MBNL2: variants seen among roughly 807,000 people sequenced by gnomAD.
The protein encoded by MBNL2 is muscleblind-like protein 2.
MBNL2 carries 17 observed loss-of-function variants against 41.9 expected under a neutral mutation model. The ratio of observed to expected loss-of-function variants is 0.41; its 90% confidence interval spans 0.28 to 0.61. The LOEUF (loss-of-function observed/expected upper bound fraction) is 0.61, where lower values mean the gene tolerates loss of function less well. MBNL2 is among the 20% of genes least tolerant of loss of function. The pLI, the probability that MBNL2 is intolerant of heterozygous loss-of-function variation, is 0.35. For synonymous variants in MBNL2, 195 were observed against 182.9 expected (o/e 1.07, Z -0.53); for missense variants, 336 against 505.6 (o/e 0.66, Z 3.22).
chr13:97,287,925 T>TG (rs2054930257), intron 2 of MBNL2, among the ~76,000 whole-genome samples: 1 of 95,840 alleles, frequency 1.0e-5, no homozygotes, highest in African/African-American at 3.3e-5. Context: ...TCTGTTTTTT[T>TG]TTTGTTTTGT....
chr13:97,224,362 G>A (rs1048890264), intron 1 of MBNL2, among the ~76,000 whole-genome samples: 1 of 152,204 alleles, frequency 6.6e-6, no homozygotes, highest in East Asian at 1.9e-4. Flanking sequence ...CAATACTGCA[G>A]GCTGCAAATC....
the MBNL2 span, among the ~76,000 whole-genome samples, chr13:97,152,688 C>A: frequency 6.6e-6 from 1 of 152,144 alleles, no homozygotes; most frequent in African/African-American, 2.4e-5. Context: ...GCCATATCAT[C>A]AATTAATTGA....
At chr13:97,305,533 G>A (rs999533908) in intron 2 of MBNL2, among the ~76,000 whole-genome samples, 3 of 152,190 alleles carry the variant, frequency 2.0e-5, no homozygotes, top group South Asian at 2.1e-4. Context: ...GGAGGCTAAG[G>A]CAGGCTGATC....
At chr13:97,313,984 G>A (rs905466960) in intron 2 of MBNL2, among the ~76,000 whole-genome samples, 2 of 152,138 alleles carry the variant, frequency 1.3e-5, no homozygotes, top group African/African-American at 4.8e-5. Flanking sequence ...TGAAGAACAT[G>A]GAAACCTCTC....
intron 1 of MBNL2, among the ~76,000 whole-genome samples, chr13:97,244,833 A>T (rs2045114378): frequency 6.6e-6 from 1 of 152,232 alleles, no homozygotes; most frequent in African/African-American, 2.4e-5. Context: ...CCACTACTAT[A>T]GAAAATGAAA....
chr13:97,393,971 A>ACACTTAAAGAAAGC lies in MBNL2; in HGVS notation c.*2522_*2523insCACTTAAAGAAAGC, dbSNP rs2066459811. Reference sequence around the variant, plus strand: ...CATACCACTGGTAACATTTCTACTAAATCTTTCTGTAACACTTAAAGAATT... The same window carrying ACACTTAAAGAAAGC: ...CATACCACTGGTAACATTTCTACTAACACTTAAAGAAAGCATCTTTCTGTAACACTTAAAGAATT... On this transcript the variant is annotated 3_prime_UTR_variant, in exon 9 of 9. Coordinates refer to ENST00000679496, the MANE Select transcript of MBNL2 (RefSeq NM_001382683.1). The ACACTTAAAGAAAGC allele has an allele frequency of 1.3e-4, 20 of 152,688 alleles. No homozygotes were observed. The highest frequency in any genetic ancestry group is 9.8e-4 in the Admixed American group (15 of 15,288). 9.5% of individuals were successfully genotyped at this position (152,688 alleles called of 1,614,324 possible). A position where few individuals can be genotyped will look rare whatever the true frequency, so the allele number is the denominator to read the frequency against.
chr13:97,289,699 G>C (rs963463661), intron 2 of MBNL2, among the ~76,000 whole-genome samples: 3 of 152,198 alleles, frequency 2.0e-5, no homozygotes, highest in Non-Finnish European at 2.9e-5. Context: ...AAGGAGAGGC[G>C]AGGACCTTGC....
At chr13:97,282,973 T>A (rs1481091912) in intron 2 of MBNL2, among the ~76,000 whole-genome samples, 1 of 152,244 alleles carries the variant, frequency 6.6e-6, no homozygotes, top group Non-Finnish European at 1.5e-5. Flanking sequence ...AACCTAGTGC[T>A]GCTCCATCAG....
intron 8 of MBNL2, among the ~76,000 whole-genome samples, chr13:97,374,714 G>A (rs1484402961): frequency 1.3e-5 from 2 of 152,144 alleles, no homozygotes; most frequent in Non-Finnish European, 2.9e-5. Context: ...GATGGGACTG[G>A]AGGGGGTCTT....
the MBNL2 span, among the ~76,000 whole-genome samples, chr13:97,190,708 C>T: frequency 3.9e-5 from 6 of 152,240 alleles, no homozygotes; most frequent in Non-Finnish European, 7.3e-5. Context: ...TGGAGGAGCA[C>T]TGAGTTATAA....
the MBNL2 span, among the ~76,000 whole-genome samples, chr13:97,166,065 A>T: frequency 2.6e-5 from 4 of 152,262 alleles, no homozygotes; most frequent in African/African-American, 9.6e-5. Flanking sequence ...ACAAAGTAAC[A>T]GTTGCACTGT....
At chr13:97,210,097 A>G in the MBNL2 span, among the ~76,000 whole-genome samples, 1 of 152,194 alleles carries the variant, frequency 6.6e-6, no homozygotes, top group Non-Finnish European at 1.5e-5. Flanking sequence ...CACCTGGCCG[A>G]CATTGACTTT....
intron 5 of MBNL2, among the ~76,000 whole-genome samples, chr13:97,348,074 A>ATTTT (rs71692187): frequency 0.012 from 1,479 of 120,282 alleles, 27 homozygotes; most frequent in Non-Finnish European, 0.017. Context: ...GGGCAGTGGG[A>ATTTT]TTTTTTTTTT....
In MBNL2 at chr13:97,347,035, G is replaced by A. The variant is rs1162752980; in HGVS notation, c.772G>A (p.Ala258Thr). 2 of 1,609,698 alleles carry A rather than the reference G, an allele frequency of 1.2e-6. No homozygotes were observed. The highest frequency in any genetic ancestry group is 1.1e-5 in the South Asian group (1 of 90,874). ...QHQANQAAVA[A>T]QAAAAAATVM... ...CCAAGCCAACCAAGCTGCGGTGGCC[G>A]CCCAGGCAGCCGCGGCCGCGGCCAC... The change falls in exon 5 of 9, where the codon GCC (alanine) becomes ACC (threonine). Residue 258 changes from alanine to threonine, a missense_variant. Physicochemically the swap from Ala to Thr is moderately conservative, Grantham distance 58. Coordinates refer to ENST00000679496, the MANE Select transcript of MBNL2 (RefSeq NM_001382683.1).
chr13:97,228,332 G>A (rs937818013), intron 1 of MBNL2, among the ~76,000 whole-genome samples: 3 of 151,934 alleles, frequency 2.0e-5, no homozygotes, highest in Non-Finnish European at 4.4e-5. Flanking sequence ...TCAGCTGAAC[G>A]AATGAAATTG....
rs1173889400 is a variant in MBNL2 at position 97,255,952 on chromosome 13, A to G, written c.-604-19680A>G. 3.3e-5 allele frequency among the ~76,000 whole-genome samples: 5 copies of G among 152,340 alleles called. No homozygotes were observed. In the East Asian group the frequency reaches 9.6e-4, roughly 29 times the overall value. On this transcript the variant is annotated intron_variant, in intron 1 of 8. Transcript: ENST00000679496. Reference sequence around the variant, plus strand: ...GAATGGATATGGTTTGAACTTATTCATGTTTAGAGAGAGTGTCAAATTGAG... The same window carrying G: ...GAATGGATATGGTTTGAACTTATTCGTGTTTAGAGAGAGTGTCAAATTGAG...
intron 1 of MBNL2, among the ~76,000 whole-genome samples, chr13:97,229,253 C>T (rs1357247380): frequency 6.6e-6 from 1 of 151,034 alleles, no homozygotes; most frequent in Non-Finnish European, 1.5e-5. Context: ...AAGTGGAGCT[C>T]AGTTTGGGTG....
chr13:97,320,967 C>T (rs187333587), intron 2 of MBNL2, among the ~76,000 whole-genome samples: 49 of 152,188 alleles, frequency 3.2e-4, no homozygotes, highest in African/African-American at 1.1e-3. Context: ...ATCGTCTTCC[C>T]TCTATGCATG....
rs535329449 is a variant in MBNL2, at chr13:97,334,953, C to T, written c.339+513C>T. On this transcript the variant is annotated intron_variant, in intron 3 of 8. Coordinates refer to ENST00000679496, the MANE Select transcript of MBNL2 (RefSeq NM_001382683.1). This position sits in a 1 kb window ranked among gnomAD's most constrained non-coding sequence, Gnocchi z 5.3. Reference sequence around the variant, plus strand: ...AGCAGAGCGCTTTCTGCAGTGTGTTCCAGGAAGATCCTAGTAACAGCCCCC... The same window carrying T: ...AGCAGAGCGCTTTCTGCAGTGTGTTTCAGGAAGATCCTAGTAACAGCCCCC... Among the ~76,000 whole-genome samples the T allele has an allele frequency of 6.6e-6, 1 of 152,298 alleles. No homozygotes were observed. The highest frequency in any genetic ancestry group is 6.5e-5 in the Admixed American group (1 of 15,298).
Sources: allele counts gnomAD v4.1 joint callset (sites outside exome capture counted in the v4.1 genomes callset), GRCh38; gene constraint gnomAD v4.1.1; non-coding constraint Gnocchi (gnomAD v3.1); transcripts MANE v1.5; gene names NCBI Gene and HGNC (gene_info 2026-07-23, HGNC 2026-07-21).